XPNPEP1: variants seen among roughly 807,000 people sequenced by gnomAD.
XPNPEP1 encodes the protein xaa-Pro aminopeptidase 1.
XPNPEP1 carries 39 observed loss-of-function variants against 92.4 expected under a neutral mutation model. The observed-to-expected ratio is 0.42, with a 90% CI of 0.33 to 0.55. The LOEUF is 0.55. Ranked by LOEUF, XPNPEP1 falls within the 20% of genes least tolerant of loss-of-function variation. The pLI is 0.08. For synonymous variants in XPNPEP1, 307 were observed against 299.4 expected (o/e 1.03, Z -0.26); for missense variants, 654 against 856.1 (o/e 0.76, Z 2.95).
intron 10 of XPNPEP1, among the ~76,000 whole-genome samples, chr10:109,881,568 AGAG>A (rs779035718): frequency 5.3e-5 from 8 of 152,144 alleles, no homozygotes; most frequent in Non-Finnish European, 2.9e-5. Flanking sequence ...GGAGAGAGAG[AGAG>A]GAGGAGTCAC....
In XPNPEP1 at chr10:109,888,074, G is replaced by C; in HGVS notation, c.627C>G (p.Leu209=). ...CTGTGTAATCCAGGCCCAGTGTGAG[G>C]AGAGGCTTGCAAGGGCGCTCAGGAC... ...TDRPERPCKP[L]LTLGLDYTGI... The change falls in exon 7 of 21, where the codon CTC becomes CTG. Residue 209 remains leucine (L), a synonymous_variant. Transcript: ENST00000502935. The C allele has an allele frequency of 6.2e-7, 1 of 1,614,110 alleles. No individual in the cohort carries two copies. The highest frequency in any genetic ancestry group is 1.1e-5 in the South Asian group (1 of 91,070).
At chr10:109,898,025 T>A (rs1396373200) in intron 3 of XPNPEP1, among the ~76,000 whole-genome samples, 2 of 152,196 alleles carry the variant, frequency 1.3e-5, no homozygotes, top group Admixed American at 1.3e-4. Flanking sequence ...GTACAGAAGT[T>A]GTACACATCT....
chr10:109,865,335 C>A lies in XPNPEP1; in HGVS notation c.1873-23G>T, dbSNP rs750873254. The A allele has an allele frequency of 2.5e-6, 4 of 1,613,786 alleles. No homozygotes were observed. In the African/African-American group the frequency reaches 4.0e-5, roughly 16 times the overall value. Reference sequence around the variant, plus strand: ...GCACTGCAGGGAAGAGAAGGACAGACACGGTATTCACCACTACATCTTTAA... The same window carrying A: ...GCACTGCAGGGAAGAGAAGGACAGAAACGGTATTCACCACTACATCTTTAA... On this transcript the variant is annotated intron_variant, in intron 20 of 20. Transcript: ENST00000502935.
intron 5 of XPNPEP1, 58 bp from the exon 6 acceptor site, chr10:109,888,653 A>T: frequency 7.3e-7 from 1 of 1,369,590 alleles, no homozygotes; most frequent in Non-Finnish European, 1.0e-6. Context: ...TCATTATCCC[A>T]CCAGAAAGAT....
intron 15 of XPNPEP1, among the ~76,000 whole-genome samples, chr10:109,874,817 C>T (rs886775827): frequency 3.9e-5 from 6 of 152,114 alleles, no homozygotes; most frequent in Admixed American, 1.3e-4. Context: ...GGCGTGGTGG[C>T]GGGCACCTGT....
chr10:109,868,365 C>A (rs1847256216), intron 20 of XPNPEP1, among the ~76,000 whole-genome samples: 1 of 151,546 alleles, frequency 6.6e-6, no homozygotes, highest in Non-Finnish European at 1.5e-5. Context: ...ACCCACAAAC[C>A]CTACAGCCCC....
chr10:109,887,958 G>A (rs940232966), intron 7 of XPNPEP1, 91 bp downstream of exon 7: 13 of 1,530,788 alleles, frequency 8.5e-6, no homozygotes, highest in Non-Finnish European at 1.1e-5. Context: ...GCTCCAACTC[G>A]ACTTGGATTC....
At chr10:109,879,818 G>A (rs1847991631) in intron 12 of XPNPEP1, among the ~76,000 whole-genome samples, 1 of 151,946 alleles carries the variant, frequency 6.6e-6, no homozygotes, top group Non-Finnish European at 1.5e-5. Flanking sequence ...AAAGGCTCAA[G>A]GCTTAAACTG....
In XPNPEP1 at chr10:109,877,939, C is replaced by A. The variant is rs1847873900; in HGVS notation, c.1241+61G>T. ...TGCTAAGATTCAGGGCCCTTCCAGC[C>A]TCATTCAACTAGCAAGAAAATCAGC... On this transcript the variant is annotated intron_variant, in intron 13 of 20. Coordinates refer to ENST00000502935, the MANE Select transcript of XPNPEP1 (RefSeq NM_020383.4). The A allele has an allele frequency of 5.0e-6, 8 of 1,614,070 alleles. No homozygotes were observed. The South Asian group carries it at 7.7e-5, about 16-fold the overall frequency.
chr10:109,875,223 G>A (rs986581748), intron 15 of XPNPEP1, among the ~76,000 whole-genome samples: 1 of 152,186 alleles, frequency 6.6e-6, no homozygotes, highest in African/African-American at 2.4e-5. Flanking sequence ...CGGTTCATGG[G>A]CTGGGGTGGA....
At chr10:109,895,625 CCTT>C (rs1848946146) in intron 3 of XPNPEP1, among the ~76,000 whole-genome samples, 1 of 152,254 alleles carries the variant, frequency 6.6e-6, no homozygotes, top group Non-Finnish European at 1.5e-5. Flanking sequence ...CTGTCACTCT[CCTT>C]CTCCCAGGCA....
At chr10:109,884,924 T>A (rs950901002) in intron 8 of XPNPEP1, among the ~76,000 whole-genome samples, 14 of 152,182 alleles carry the variant, frequency 9.2e-5, no homozygotes, top group Non-Finnish European at 1.9e-4. Flanking sequence ...TTTAAAATAA[T>A]GGCTTCTTAA....
chr10:109,901,391 C>G (rs1287713691), intron 3 of XPNPEP1, among the ~76,000 whole-genome samples: 1 of 152,050 alleles, frequency 6.6e-6, no homozygotes, highest in Non-Finnish European at 1.5e-5. Context: ...GCTCATGTAC[C>G]CTAGAACTTA....
In XPNPEP1 at chr10:109,878,018, T is replaced by G. The variant is rs756068599; in HGVS notation, c.1223A>C (p.Lys408Thr). 6.2e-7 allele frequency: 1 copy of G among 1,614,234 alleles called. No individual in the cohort carries two copies. Among genetic ancestry groups the G allele is most frequent in the Non-Finnish European group, 8.5e-7 (1 of 1,180,032 alleles). The change falls in exon 13 of 21, where the codon AAA becomes ACA. Residue 408 changes from lysine to threonine, a missense_variant. Physicochemically the swap from Lys to Thr is moderately conservative, Grantham distance 78 (BLOSUM62 -1). Transcript: ENST00000502935. The part of the protein sequence containing the change: ...GGVTEISAAD[K>T]AEEFRRQQAD... Reference sequence around the variant, plus strand: ...TCCTTACCTGCGAAACTCCTCAGCTTTGTCAGCAGCTGAGATCTCTGTCAC... The same window carrying G: ...TCCTTACCTGCGAAACTCCTCAGCTGTGTCAGCAGCTGAGATCTCTGTCAC...
At chr10:109,916,663 T>C (rs1468938741) in intron 1 of XPNPEP1, among the ~76,000 whole-genome samples, 1 of 152,160 alleles carries the variant, frequency 6.6e-6, no homozygotes, top group Non-Finnish European at 1.5e-5. Flanking sequence ...AGAGTAAACA[T>C]ATTATTCTTT....
At chr10:109,911,709 A>G (rs1361699985) in intron 2 of XPNPEP1, among the ~76,000 whole-genome samples, 1 of 152,230 alleles carries the variant, frequency 6.6e-6, no homozygotes, top group Non-Finnish European at 1.5e-5. Context: ...CTGGCTGCAC[A>G]TTAGGACTAT....
At chr10:109,915,494 C>T (rs1032252811) in intron 1 of XPNPEP1, among the ~76,000 whole-genome samples, 7 of 152,016 alleles carry the variant, frequency 4.6e-5, no homozygotes, top group South Asian at 4.2e-4. Context: ...ACTGTAGGCC[C>T]TTATTTTATA....
intron 7 of XPNPEP1, 35 bp from the exon 8 acceptor site, chr10:109,886,376 G>C (rs1319321777): frequency 6.2e-7 from 1 of 1,602,940 alleles, no homozygotes. Context: ...CTCCAGCCCT[G>C]GTCCCAGAAA....
intron 19 of XPNPEP1, among the ~76,000 whole-genome samples, chr10:109,869,310 A>G (rs1248346346): frequency 2.0e-5 from 3 of 152,316 alleles, no homozygotes; most frequent in Admixed American, 6.5e-5. Flanking sequence ...CTTCCCTCCA[A>G]TTGTTCAATT....
Sources: gnomAD v4.1 joint callset for allele counts (sites outside exome capture counted in the v4.1 genomes callset) on GRCh38, gnomAD v4.1.1 for gene constraint, MANE v1.5 for transcripts, NCBI Gene and HGNC (gene_info 2026-07-23, HGNC 2026-07-21) for gene names.